The following RNASEH2B variants were observed in gnomAD, a reference collection of about 807,000 sequenced individuals.
RNASEH2B encodes ribonuclease H2 subunit B.
RNASEH2B carries 36 observed loss-of-function variants against 45.0 expected under a neutral mutation model. That is an observed-to-expected ratio of 0.80 (90% CI 0.61 to 1.06). The LOEUF is 1.06. Among genes scored for constraint, RNASEH2B ranks in the 50% least tolerant of loss-of-function variants. The probability of loss-of-function intolerance (pLI) is 0.00; values close to 1 mark genes in which losing one functional copy is unlikely to be tolerated. For synonymous variants in RNASEH2B, 119 were observed against 125.7 expected, an observed-to-expected ratio of 0.95 and a Z score of 0.35; for missense variants, 361 against 360.3, an observed-to-expected ratio of 1.00 and a Z score of -0.02.
intron 1 of RNASEH2B, among the ~76,000 whole-genome samples, chr13:50,914,715 G>C (rs1262835933): frequency 6.6e-6 from 1 of 152,110 alleles, no homozygotes; most frequent in Non-Finnish European, 1.5e-5. Context: ...GTCTGATCTT[G>C]TCCCTTTAGT....
intron 1 of RNASEH2B, chr13:50,910,427 T>C (rs1879299315): frequency 3.2e-6 from 1 of 311,716 alleles, no homozygotes; most frequent in South Asian, 1.1e-4. Context: ...CCACGCGGGT[T>C]CGCGGTCACC....
rs9526704 is a variant in RNASEH2B at position 50,910,481 on chromosome 13, A to T, written c.64+341A>T. On this transcript the variant is annotated intron_variant, in intron 1 of 10. Coordinates refer to ENST00000336617, the MANE Select transcript of RNASEH2B (RefSeq NM_024570.4). Reference sequence around the variant, plus strand: ...GAGGTTTCTGCCCTTGGTGTCCCCTACCTGGCAGCTGGCCCTGCTTCTGTG... The same window carrying T: ...GAGGTTTCTGCCCTTGGTGTCCCCTTCCTGGCAGCTGGCCCTGCTTCTGTG... The T allele has an allele frequency of 0.23, 50,518 of 223,566 alleles. 7,107 individuals are homozygous for T. The highest frequency in any genetic ancestry group is 0.3 in the Non-Finnish European group (35,082 of 115,268). 13.8% of individuals were successfully genotyped at this position (223,566 alleles called of 1,614,324 possible). A position where few individuals can be genotyped will look rare whatever the true frequency, so the allele number is the denominator to read the frequency against.
At chr13:50,952,485 T>C (rs1187381771) in intron 9 of RNASEH2B, 1 of 152,190 alleles carries the variant, frequency 6.6e-6, no homozygotes, top group Non-Finnish European at 1.5e-5. Context: ...TACTGCAGTC[T>C]CTGCTTCTCA....
intron 6 of RNASEH2B, among the ~76,000 whole-genome samples, chr13:50,944,029 C>A (rs144203673): frequency 1.9e-5 from 2 of 104,338 alleles, no homozygotes; most frequent in South Asian, 7.0e-4. Flanking sequence ...ACGGGACGGA[C>A]GGGACGTGAT....
chr13:50,913,487 T>C (rs1472121899), intron 1 of RNASEH2B, among the ~76,000 whole-genome samples: 2 of 150,012 alleles, frequency 1.3e-5, no homozygotes, highest in African/African-American at 4.9e-5. Flanking sequence ...CATTGTGTAT[T>C]GAAAAAAAAA....
chr13:50,924,794 C>T (rs997750758), intron 1 of RNASEH2B, among the ~76,000 whole-genome samples: 3 of 152,198 alleles, frequency 2.0e-5, no homozygotes, highest in Admixed American at 2.0e-4. Flanking sequence ...GCAATCTGTC[C>T]ACCTTGGCCT....
At chr13:50,913,081 C>T (rs890180415) in intron 1 of RNASEH2B, 1 of 152,148 alleles carries the variant, frequency 6.6e-6, no homozygotes, top group Non-Finnish European at 1.5e-5. Context: ...AGACTTGGGA[C>T]GTTGGTTTTC....
intron 9 of RNASEH2B, among the ~76,000 whole-genome samples, chr13:50,968,907 C>A (rs1952191461): frequency 6.6e-6 from 1 of 152,156 alleles, no homozygotes; most frequent in Non-Finnish European, 1.5e-5. Flanking sequence ...GAAATCAGAG[C>A]TTCTTCATGG....
intron 1 of RNASEH2B, among the ~76,000 whole-genome samples, chr13:50,920,931 C>T (rs1038863153): frequency 3.3e-5 from 5 of 152,142 alleles, no homozygotes; most frequent in African/African-American, 1.2e-4. Context: ...ACAAGATACA[C>T]TGGTTTTAAT....
intron 1 of RNASEH2B, among the ~76,000 whole-genome samples, chr13:50,913,949 GATTTAAAAAATAA>G (rs1171045005): frequency 6.6e-6 from 1 of 151,812 alleles, no homozygotes; most frequent in East Asian, 1.9e-4. Context: ...CTAATTAAAG[GATTTAAAAAATAA>G]ATTTAAAAGG....
chr13:50,939,709 A>G (rs889358694), intron 5 of RNASEH2B, among the ~76,000 whole-genome samples: 2 of 152,166 alleles, frequency 1.3e-5, no homozygotes, highest in Non-Finnish European at 2.9e-5. Flanking sequence ...ATGTTGATGG[A>G]AGAATTTGGT....
chr13:50,946,225 A>G (rs375010747), intron 7 of RNASEH2B, among the ~76,000 whole-genome samples: 1 of 152,244 alleles, frequency 6.6e-6, no homozygotes, highest in African/African-American at 2.4e-5. Flanking sequence ...AAGAACAGCT[A>G]TATAATGCAG....
chr13:50,964,811 T>G (rs142940517), intron 9 of RNASEH2B, among the ~76,000 whole-genome samples: 1 of 152,234 alleles, frequency 6.6e-6, no homozygotes, highest in Non-Finnish European at 1.5e-5. Flanking sequence ...GTTTCCACAC[T>G]GGTGCCTTTG....
rs888563181 is a variant in RNASEH2B at position 50,953,256 on chromosome 13, G to A, written c.742-649G>A. The A allele has an allele frequency of 4.6e-5, 7 of 152,660 alleles. 1 individual carries two copies. In the East Asian group the frequency reaches 9.7e-4, roughly 21 times the overall value. The allele number at this position is 152,660 out of a possible 1,614,324, so 9.5% of individuals were successfully genotyped here. On this transcript the variant is annotated intron_variant, in intron 9 of 10. Transcript: ENST00000336617. ...ACATTCACTGGTGTAAAATGTTCAT[G>A]TGAAAGGAGAAAATATTAAGTAAAG...
intron 2 of RNASEH2B, 47 bp from the exon 3 acceptor site, chr13:50,929,424 TTGTG>T: frequency 1.9e-6 from 2 of 1,068,990 alleles, no homozygotes; most frequent in Non-Finnish European, 2.9e-6. Context: ...GTGTGTGTGT[TTGTG>T]TGTGTGTGTG....
intron 2 of RNASEH2B, among the ~76,000 whole-genome samples, chr13:50,927,808 C>A (rs535190811): frequency 1.6e-4 from 24 of 152,112 alleles, no homozygotes; most frequent in African/African-American, 5.8e-4. Flanking sequence ...CTTAGTTATT[C>A]AACATTAGCC....
chr13:50,968,114 T>C (rs1262284014), intron 9 of RNASEH2B, among the ~76,000 whole-genome samples: 2 of 152,210 alleles, frequency 1.3e-5, no homozygotes, highest in Non-Finnish European at 2.9e-5. Context: ...CAATCACTTA[T>C]CAGTATTTAA....
chr13:50,925,664 C>T (rs896320690), intron 1 of RNASEH2B, among the ~76,000 whole-genome samples: 3 of 152,050 alleles, frequency 2.0e-5, no homozygotes, highest in East Asian at 3.9e-4. Context: ...AATTCAAGAC[C>T]CTGAGGAAGT....
chr13:50,938,241 A>G (rs1338145787), intron 5 of RNASEH2B: 2 of 152,234 alleles, frequency 1.3e-5, no homozygotes, highest in Non-Finnish European at 2.9e-5. Flanking sequence ...GCTGAACATT[A>G]CAAAATATTG....
Sources: gnomAD v4.1 joint callset for allele counts (sites outside exome capture counted in the v4.1 genomes callset) on GRCh38, gnomAD v4.1.1 for gene constraint, MANE v1.5 for transcripts, NCBI Gene and HGNC (gene_info 2026-07-23, HGNC 2026-07-21) for gene names.